MAP2K1: variants seen among roughly 807,000 people sequenced by gnomAD.
MAP2K1 encodes the protein mitogen-activated protein kinase kinase 1.
Under a neutral mutation model 46.3 loss-of-function variants are expected in MAP2K1, and 16 were observed. That is an observed-to-expected ratio of 0.35 (90% CI 0.23 to 0.52). The LOEUF (loss-of-function observed/expected upper bound fraction) is 0.52, where lower values mean the gene tolerates loss of function less well. MAP2K1 is among the 20% of genes least tolerant of loss of function. The pLI, the probability that MAP2K1 is intolerant of heterozygous loss-of-function variation, is 0.94. For missense variants in MAP2K1, 263 were observed against 497.1 expected, an observed-to-expected ratio of 0.53 and a Z score of 4.48; for synonymous variants, 183 against 185.6, an observed-to-expected ratio of 0.99 and a Z score of 0.11.
intron 5 of MAP2K1, among the ~76,000 whole-genome samples, chr15:66,453,062 C>G (rs1426450454): frequency 2.0e-5 from 3 of 152,180 alleles, no homozygotes; most frequent in East Asian, 1.9e-4. Flanking sequence ...GCCAAGGACC[C>G]ATGTCTCTTA....
At chr15:66,469,029 G>T (rs191579021) in intron 5 of MAP2K1, among the ~76,000 whole-genome samples, 32 of 150,840 alleles carry the variant, frequency 2.1e-4, no homozygotes, top group African/African-American at 6.1e-4. Context: ...AGGCCGAGGC[G>T]GGTGGATCAT....
chr15:66,415,062 G>C, intron 1 of MAP2K1: 1 of 505,270 alleles, frequency 2.0e-6, no homozygotes, highest in Non-Finnish European at 3.9e-6. Context: ...TGCACTGCTT[G>C]TAGTACCAGT....
At chr15:66,466,694 A>G (rs937550958) in intron 5 of MAP2K1, among the ~76,000 whole-genome samples, 2 of 152,162 alleles carry the variant, frequency 1.3e-5, no homozygotes, top group Non-Finnish European at 2.9e-5. Context: ...AAACAAACAA[A>G]TTGTTAAAAC....
At chr15:66,400,943 T>C (rs2093380147) in intron 1 of MAP2K1, among the ~76,000 whole-genome samples, 1 of 152,218 alleles carries the variant, frequency 6.6e-6, no homozygotes, top group Non-Finnish European at 1.5e-5. Context: ...TTAAAATTTT[T>C]GAATGTATGA....
In MAP2K1 at chr15:66,467,647, G is replaced by A. The variant is rs117629386; in HGVS notation, c.569-14108G>A. On this transcript the variant is annotated intron_variant, in intron 5 of 10. Coordinates refer to ENST00000307102, the MANE Select transcript of MAP2K1 (RefSeq NM_002755.4). The stretch of plus-strand genomic sequence containing the variant: ...ATGATCTCAGCTCACTGCAACCTGC[G>A]CCTCCTAGGTTCCAGTAATTCTCCT... Among the ~76,000 whole-genome samples the A allele has an allele frequency of 1.0e-2, 1,519 of 152,106 alleles. 55 individuals carry two copies. Among genetic ancestry groups the A allele is most frequent in the Admixed American group, 0.062 (945 of 15,276 alleles).
chr15:66,436,981 C>A (rs1255287330), intron 3 of MAP2K1, 89 bp downstream of exon 3: 1 of 1,349,812 alleles, frequency 7.4e-7, no homozygotes, highest in Non-Finnish European at 1.1e-6. Context: ...TGACCAGCTA[C>A]CTCCCTGCTG....
At chr15:66,413,278 C>G (rs17259517) in intron 1 of MAP2K1, among the ~76,000 whole-genome samples, 8,561 of 152,256 alleles carry the variant, frequency 0.056, 344 homozygotes, top group Middle Eastern at 0.11. Flanking sequence ...GGGCTGGTGT[C>G]TAGGACCATC....
chr15:66,392,283 A>T (rs62013663), intron 1 of MAP2K1, among the ~76,000 whole-genome samples: 2 of 32,078 alleles, frequency 6.2e-5, no homozygotes, highest in African/African-American at 1.1e-4. Context: ...TTTTTTTAAG[A>T]AAGGGTTTCG....
chr15:66,403,095 G>A (rs1036248574), intron 1 of MAP2K1, among the ~76,000 whole-genome samples: 1 of 152,152 alleles, frequency 6.6e-6, no homozygotes, highest in Non-Finnish European at 1.5e-5. Flanking sequence ...GACCTAGAGA[G>A]GTGTGAATTT....
intron 1 of MAP2K1, among the ~76,000 whole-genome samples, chr15:66,432,452 T>C (rs895677201): frequency 2.6e-5 from 4 of 152,202 alleles, no homozygotes; most frequent in African/African-American, 9.7e-5. Flanking sequence ...GAGTCAGCAT[T>C]CCCTTTTCCT....
chr15:66,432,008 C>G lies in MAP2K1; in HGVS notation c.81-3019C>G, dbSNP rs549645492. ...ATGACCTCCAGCTCCACCCATGTTC[C>G]CGCAAAGGACGTGATCTCGTTCCTT... On this transcript the variant is annotated intron_variant, in intron 1 of 10. Coordinates refer to ENST00000307102, the MANE Select transcript of MAP2K1 (RefSeq NM_002755.4). Among the ~76,000 whole-genome samples the G allele has an allele frequency of 7.2e-5, 11 of 152,260 alleles. No homozygotes were observed. The South Asian group carries it at 2.1e-3, about 29-fold the overall frequency.
At chr15:66,449,128 C>T (rs1891966851) in intron 5 of MAP2K1, among the ~76,000 whole-genome samples, 1 of 151,692 alleles carries the variant, frequency 6.6e-6, no homozygotes, top group African/African-American at 2.4e-5. Flanking sequence ...CACTCCTTGG[C>T]ATTTACCTAA....
At chr15:66,481,975 G>T (rs988636269) in intron 6 of MAP2K1, 96 bp downstream of exon 6, 3 of 1,460,768 alleles carry the variant, frequency 2.1e-6, no homozygotes, top group Non-Finnish European at 9.4e-7. Flanking sequence ...CTTGTGCTGG[G>T]TAGGGGACAA....
chr15:66,463,172 G>A (rs1271489000), intron 5 of MAP2K1, among the ~76,000 whole-genome samples: 1 of 152,178 alleles, frequency 6.6e-6, no homozygotes. Flanking sequence ...TAATTAGGGG[G>A]ATACATCTGA....
At chr15:66,478,725 C>T (rs1892842030) in intron 5 of MAP2K1, among the ~76,000 whole-genome samples, 1 of 152,076 alleles carries the variant, frequency 6.6e-6, no homozygotes, top group Non-Finnish European at 1.5e-5. Context: ...GATCTGCCTA[C>T]CTCAGCCTCC....
chr15:66,476,055 C>G (rs191816596), intron 5 of MAP2K1, among the ~76,000 whole-genome samples: 9 of 152,320 alleles, frequency 5.9e-5, no homozygotes, highest in Non-Finnish European at 8.8e-5. Flanking sequence ...AACATACTTT[C>G]TGAGTTTTTC....
At chr15:66,456,705 T>C (rs1182754065) in intron 5 of MAP2K1, among the ~76,000 whole-genome samples, 1 of 152,148 alleles carries the variant, frequency 6.6e-6, no homozygotes, top group Non-Finnish European at 1.5e-5. Context: ...GGCTGGACCA[T>C]TCACTGTGTC....
At chr15:66,433,554 G>A (rs959652967) in intron 1 of MAP2K1, among the ~76,000 whole-genome samples, 2 of 152,172 alleles carry the variant, frequency 1.3e-5, no homozygotes, top group African/African-American at 4.8e-5. Context: ...TCCCATGCAT[G>A]ATGTTATTTG....
chr15:66,425,710 T>TTATTA (rs2093456397), intron 1 of MAP2K1, among the ~76,000 whole-genome samples: 1 of 152,238 alleles, frequency 6.6e-6, no homozygotes, highest in Non-Finnish European at 1.5e-5. Context: ...TCACAAGGCA[T>TTATTA]TATTAGTTCA....
Sources: gnomAD v4.1 joint callset for allele counts (sites outside exome capture counted in the v4.1 genomes callset) on GRCh38, gnomAD v4.1.1 for gene constraint, MANE v1.5 for transcripts, NCBI Gene and HGNC (gene_info 2026-07-23, HGNC 2026-07-21) for gene names.